The following CELF2 variants were observed in gnomAD, a reference collection of about 807,000 sequenced individuals.
The protein encoded by CELF2 is CUGBP Elav-like family member 2, also known as CUG triplet repeat RNA-binding protein 2.
Under a neutral mutation model 62.6 loss-of-function variants are expected in CELF2, and 8 were observed. The observed-to-expected ratio is 0.13, with a 90% confidence interval of 0.07 to 0.23. The LOEUF (loss-of-function observed/expected upper bound fraction) is 0.23, where lower values mean the gene tolerates loss of function less well. Ranked by LOEUF, CELF2 falls within the 10% of genes least tolerant of loss-of-function variation. The probability of loss-of-function intolerance (pLI) is 1.00; values close to 1 mark genes in which losing one functional copy is unlikely to be tolerated. For missense variants in CELF2, 333 were observed against 671.0 expected, an observed-to-expected ratio of 0.50 and a Z score of 5.56; for synonymous variants, 258 against 250.0, an observed-to-expected ratio of 1.03 and a Z score of -0.30.
the CELF2 span, among the ~76,000 whole-genome samples, chr10:10,646,086 A>C: frequency 6.6e-6 from 1 of 152,182 alleles, no homozygotes; most frequent in Non-Finnish European, 1.5e-5. Flanking sequence ...ATAAGATCTA[A>C]TATGGGCAGA....
chr10:11,275,282 G>GT (rs3215825), intron 8 of CELF2, among the ~76,000 whole-genome samples, 162 bp downstream of exon 8: 54,200 of 152,070 alleles, frequency 0.36, 10,735 homozygotes, highest in East Asian at 0.77. Flanking sequence ...CTGCTCTGAA[G>GT]TGTCTCTGTT....
Position 11,324,365 on chromosome 10 carries a change from G to C in CELF2, c.1295-1471G>C, listed in dbSNP as rs2095615348. On this transcript the variant is annotated intron_variant, in intron 11 of 12. Coordinates refer to ENST00000633077, the MANE Select transcript of CELF2 (RefSeq NM_001326342.2). The surrounding 1 kb of genome is among the most constrained non-coding windows in gnomAD (Gnocchi z 4.7). ...CCACCCAGGATGTGCACACACAGCA[G>C]TGCTCAGAACATCCCTTTCCAGTGT... Among the ~76,000 whole-genome samples the C allele has an allele frequency of 6.6e-6, 1 of 152,194 alleles. No homozygotes were observed. The highest frequency in any genetic ancestry group is 6.5e-5 in the Admixed American group (1 of 15,286).
At chr10:10,645,643 G>C in the CELF2 span, among the ~76,000 whole-genome samples, 9 of 152,274 alleles carry the variant, frequency 5.9e-5, no homozygotes, top group East Asian at 1.5e-3. Flanking sequence ...GCCAGAGCAA[G>C]ACTTTGTCTC....
In CELF2 at chr10:11,285,470, A is replaced by C. The variant is rs767269897; in HGVS notation, c.842-2948A>C. On this transcript the variant is annotated intron_variant, in intron 8 of 12. Coordinates refer to ENST00000633077, the MANE Select transcript of CELF2 (RefSeq NM_001326342.2). This position sits in a 1 kb window ranked among gnomAD's most constrained non-coding sequence, Gnocchi z 4.3. The stretch of plus-strand genomic sequence containing the variant: ...TGGTAAAGTGTGTGGAGGAGAAATG[A>C]AGAGGAGGACACCCAGGCCCTTAGC... Among the ~76,000 whole-genome samples, 1 of 152,144 alleles carries C rather than the reference A, an allele frequency of 6.6e-6. No homozygotes were observed. The highest frequency in any genetic ancestry group is 2.1e-4 in the South Asian group (1 of 4,828).
At chr10:11,021,820 T>C (rs2058362078) in intron 1 of CELF2, among the ~76,000 whole-genome samples, 2 of 152,354 alleles carry the variant, frequency 1.3e-5, no homozygotes, top group Admixed American at 6.5e-5. Context: ...ACATACCCTT[T>C]TATCAAAATC....
the CELF2 span, among the ~76,000 whole-genome samples, chr10:10,503,531 T>A: frequency 2.0e-5 from 3 of 152,054 alleles, no homozygotes; most frequent in East Asian, 3.9e-4. Context: ...ATATAGCCAC[T>A]CCTACTTTCG....
the CELF2 span, among the ~76,000 whole-genome samples, chr10:10,649,933 T>C: frequency 6.6e-6 from 1 of 152,104 alleles, no homozygotes; most frequent in Non-Finnish European, 1.5e-5. Flanking sequence ...AGCGGGATGA[T>C]TTAAGTGGCC....
chr10:10,796,598 G>T (rs536092641), upstream of CELF2, among the ~76,000 whole-genome samples: 1 of 152,128 alleles, frequency 6.6e-6, no homozygotes, highest in Non-Finnish European at 1.5e-5. Flanking sequence ...CCCTGGTGCC[G>T]TGGGCTAAGG....
At chr10:11,120,741 T>G (rs2057575115) in intron 1 of CELF2, among the ~76,000 whole-genome samples, 2 of 152,168 alleles carry the variant, frequency 1.3e-5, no homozygotes, top group South Asian at 4.1e-4. Context: ...CACCAGCCCT[T>G]GCAACCCATC....
chr10:10,588,899 C>T, the CELF2 span, among the ~76,000 whole-genome samples: 1 of 152,128 alleles, frequency 6.6e-6, no homozygotes, highest in East Asian at 1.9e-4. Context: ...TTAAACTCTC[C>T]TTGATGTTTC....
intron 1 of CELF2, among the ~76,000 whole-genome samples, chr10:10,802,555 GAA>G (rs61612499): frequency 6.6e-6 from 1 of 152,060 alleles, no homozygotes; most frequent in African/African-American, 2.4e-5. Flanking sequence ...AGACTTGAGA[GAA>G]AAAAAAGTTG....
At chr10:10,568,569 G>C in the CELF2 span, among the ~76,000 whole-genome samples, 1 of 152,180 alleles carries the variant, frequency 6.6e-6, no homozygotes, top group Admixed American at 6.5e-5. Flanking sequence ...AGATATAATG[G>C]AATCTGGTGC....
At chr10:10,606,035 A>C in the CELF2 span, among the ~76,000 whole-genome samples, 1 of 152,130 alleles carries the variant, frequency 6.6e-6, no homozygotes, top group Admixed American at 6.5e-5. Context: ...GTTGGAAAGC[A>C]CTGGTGTTTT....
the CELF2 span, among the ~76,000 whole-genome samples, chr10:10,514,954 G>T: frequency 9.2e-5 from 14 of 152,226 alleles, no homozygotes; most frequent in Non-Finnish European, 1.9e-4. Flanking sequence ...ACCTCTGGAA[G>T]CCTTGCAAAG....
chr10:11,207,061 G>A lies in CELF2; in HGVS notation c.272-10364G>A, dbSNP rs900089615. Among the ~76,000 whole-genome samples, 2 of 152,214 alleles carry A rather than the reference G, an allele frequency of 1.3e-5. No homozygotes were observed. Among genetic ancestry groups the A allele is most frequent in the Non-Finnish European group, 2.9e-5 (2 of 68,036 alleles). ...TTTAACATAAGTGTCTTATTTCAAA[G>A]AACCAGAGAAGGGGAAAAGCACATT... On this transcript the variant is annotated intron_variant, in intron 2 of 12. Coordinates refer to ENST00000633077, the MANE Select transcript of CELF2 (RefSeq NM_001326342.2). This position sits in a 1 kb window ranked among gnomAD's most constrained non-coding sequence, Gnocchi z 4.1.
the CELF2 span, among the ~76,000 whole-genome samples, chr10:10,604,476 A>C: frequency 7.2e-5 from 11 of 152,378 alleles, no homozygotes; most frequent in Admixed American, 2.0e-4. Flanking sequence ...AATAATTCTC[A>C]GAATCATTGT....
chr10:10,586,711 G>T, the CELF2 span, among the ~76,000 whole-genome samples: 4 of 151,880 alleles, frequency 2.6e-5, no homozygotes, highest in Non-Finnish European at 5.9e-5. Flanking sequence ...TTGATCATTG[G>T]GTTCCTAACC....
the CELF2 span, among the ~76,000 whole-genome samples, chr10:10,669,815 G>C: frequency 6.6e-6 from 1 of 151,758 alleles, no homozygotes; most frequent in Admixed American, 6.6e-5. Context: ...ATTTCTTAAA[G>C]AGCTTACACA....
the CELF2 span, among the ~76,000 whole-genome samples, chr10:10,477,654 C>T: frequency 6.6e-6 from 1 of 151,664 alleles, no homozygotes; most frequent in African/African-American, 2.4e-5. Flanking sequence ...GCTCGACAGA[C>T]TGTTTTTATA....
Sources: allele counts gnomAD v4.1 joint callset (sites outside exome capture counted in the v4.1 genomes callset), GRCh38; gene constraint gnomAD v4.1.1; non-coding constraint Gnocchi (gnomAD v3.1); transcripts MANE v1.5; gene names NCBI Gene and HGNC (gene_info 2026-07-23, HGNC 2026-07-21).